TEKT5: variants seen among roughly 807,000 people sequenced by gnomAD.
TEKT5 encodes tektin 5, also known as tektin-5.
Under a neutral mutation model 48.7 loss-of-function variants are expected in TEKT5, and 52 were observed. The observed-to-expected ratio is 1.07, with a 90% CI of 0.86 to 1.35. The LOEUF (loss-of-function observed/expected upper bound fraction) is 1.35. Among genes scored for constraint, TEKT5 ranks in the 40% most tolerant of loss-of-function variants. The pLI, the probability that TEKT5 is intolerant of heterozygous loss-of-function variation, is 0.00. For synonymous variants in TEKT5, 318 were observed against 267.6 expected (o/e 1.19, Z -1.84); for missense variants, 831 against 641.6 (o/e 1.30, Z -3.19).
At chr16:10,688,733 T>C (rs1898910336) in intron 3 of TEKT5, among the ~76,000 whole-genome samples, 2 of 152,206 alleles carry the variant, frequency 1.3e-5, no homozygotes, top group African/African-American at 4.8e-5. Flanking sequence ...GTCGGGATAC[T>C]GGTTACATAA....
intron 5 of TEKT5, among the ~76,000 whole-genome samples, chr16:10,662,250 T>C (rs1329594639): frequency 6.6e-6 from 1 of 152,206 alleles, no homozygotes; most frequent in Admixed American, 6.5e-5. Context: ...CATTGCCAAA[T>C]GCCCCTGGGG....
chr16:10,654,308 C>T (rs1420789129), intron 5 of TEKT5, among the ~76,000 whole-genome samples: 2 of 152,132 alleles, frequency 1.3e-5, no homozygotes, highest in Non-Finnish European at 2.9e-5. Flanking sequence ...ACCTCAGCCT[C>T]CCAAAGTGCT....
chr16:10,672,858 GTT>G (rs907219244), intron 5 of TEKT5, among the ~76,000 whole-genome samples: 1 of 139,378 alleles, frequency 7.2e-6, no homozygotes. Flanking sequence ...GTTTTTTTTT[GTT>G]TTTTTTTTTT....
At chr16:10,673,225 G>A (rs555421947) in intron 5 of TEKT5, among the ~76,000 whole-genome samples, 68 of 152,290 alleles carry the variant, frequency 4.5e-4, no homozygotes, top group Non-Finnish European at 6.8e-4. Context: ...TGGAGGAAGC[G>A]ACTTTTGAGC....
chr16:10,661,671 T>C (rs189037586), intron 5 of TEKT5, among the ~76,000 whole-genome samples: 26 of 152,268 alleles, frequency 1.7e-4, no homozygotes, highest in African/African-American at 6.0e-4. Context: ...TGAGAACTTA[T>C]GGAATGTGCG....
intron 4 of TEKT5, among the ~76,000 whole-genome samples, chr16:10,677,875 C>A (rs966642838): frequency 3.3e-5 from 5 of 152,244 alleles, no homozygotes; most frequent in Admixed American, 3.3e-4. Context: ...AGAGGATAGT[C>A]GGCCATGCAG....
In TEKT5 at chr16:10,627,605, G is replaced by A. The variant is rs201676909; in HGVS notation, c.1436C>T (p.Pro479Leu). The A allele has an allele frequency of 1.9e-5, 31 of 1,614,044 alleles. No individual in the cohort carries two copies. The highest frequency in any genetic ancestry group is 1.4e-4 in the South Asian group (13 of 91,086). Residue 479 changes from proline (P) to leucine (L), a missense_variant, in exon 7 of 7, where the codon CCG becomes CTG. Pro to Leu is a moderately conservative substitution (Grantham distance 98). Transcript: ENST00000283025. ...MGMRKTFPCT[P>L]RLVGHT ...TGCTCAGGTGTGGCCCACCAGGCGCGGGGTGCAGGGGAAGGTCTTACGCAT... is the reference window on the plus strand; with the variant it reads ...TGCTCAGGTGTGGCCCACCAGGCGCAGGGTGCAGGGGAAGGTCTTACGCAT...
intron 6 of TEKT5, among the ~76,000 whole-genome samples, chr16:10,630,547 T>C (rs949315811): frequency 6.6e-6 from 1 of 152,164 alleles, no homozygotes; most frequent in African/African-American, 2.4e-5. Flanking sequence ...TAGCTGGACA[T>C]GTTGAAGGCC....
At chr16:10,647,438 C>A (rs1898087310) in intron 5 of TEKT5, among the ~76,000 whole-genome samples, 1 of 150,916 alleles carries the variant, frequency 6.6e-6, no homozygotes, top group South Asian at 2.1e-4. Context: ...CGCCACTGCA[C>A]CCCAGCCTGG....
chr16:10,634,077 C>T (rs1431354092), intron 6 of TEKT5, among the ~76,000 whole-genome samples: 1 of 152,162 alleles, frequency 6.6e-6, no homozygotes, highest in Admixed American at 6.5e-5. Context: ...CAGGGTCCAT[C>T]GCTGGACCAA....
chr16:10,636,736 G>C (rs1261564327), intron 5 of TEKT5, among the ~76,000 whole-genome samples: 1 of 148,918 alleles, frequency 6.7e-6, no homozygotes, highest in African/African-American at 2.5e-5. Context: ...TATTCAAACA[G>C]ACTCAGAGTT....
At position 10,694,338 on chromosome 16, in the gene TEKT5, G is replaced by A. The variant is rs370491307; in HGVS notation, c.536C>T (p.Ala179Val). The A allele has an allele frequency of 5.1e-5, 82 of 1,607,606 alleles. No individual in the cohort carries two copies. The highest frequency in any genetic ancestry group is 1.7e-4 in the Middle Eastern group (1 of 6,044). Residue 179 changes from alanine to valine, a missense_variant, in exon 1 of 7, where the codon GCG becomes GTG. Ala to Val is a moderately conservative substitution (Grantham distance 64, BLOSUM62 0). Coordinates refer to ENST00000283025, the MANE Select transcript of TEKT5 (RefSeq NM_144674.2). ...CAATGGGCAGTTCACCTCATTGGCC[G>A]CGCACTCCAGCCGCCTCTTGACCGT... is the stretch of plus-strand genomic sequence containing the variant. ...LETVKRRLEC[A>V]ANEVNCPLQV...
chr16:10,693,569 A>C (rs1899019265), intron 1 of TEKT5, among the ~76,000 whole-genome samples: 1 of 152,242 alleles, frequency 6.6e-6, no homozygotes. Flanking sequence ...ACTGAATAGC[A>C]GTCTTGAATA....
intron 5 of TEKT5, among the ~76,000 whole-genome samples, chr16:10,636,457 G>C (rs1194817293): frequency 6.6e-6 from 1 of 151,976 alleles, no homozygotes; most frequent in South Asian, 2.1e-4. Context: ...CATGGAAGAC[G>C]GGCCAGTATC....
chr16:10,632,064 G>A lies in TEKT5; in HGVS notation c.1241+3700C>T, dbSNP rs566727239. Among the ~76,000 whole-genome samples, 6 of 152,294 alleles carry A rather than the reference G, an allele frequency of 3.9e-5. No homozygotes were observed. In the South Asian group the frequency reaches 1.0e-3, roughly 26 times the overall value. ...CTCAGGACCAGAGGACATGAAGCTG[G>A]GTGAACTTCCCCATGGGAAGCCTGG... is the stretch of plus-strand genomic sequence containing the variant. On this transcript the variant is annotated intron_variant, in intron 6 of 6. Transcript: ENST00000283025.
At chr16:10,643,062 C>T (rs145952790) in intron 5 of TEKT5, among the ~76,000 whole-genome samples, 1,589 of 152,252 alleles carry the variant, frequency 0.01, 19 homozygotes, top group South Asian at 0.042. Context: ...TCAAAACATA[C>T]GCACAATTAC....
At chr16:10,658,805 C>T (rs140788604) in intron 5 of TEKT5, among the ~76,000 whole-genome samples, 2 of 151,984 alleles carry the variant, frequency 1.3e-5, no homozygotes, top group Non-Finnish European at 2.9e-5. Context: ...GCAACCTCTG[C>T]CTCCTGGGTT....
At position 10,681,554 on chromosome 16, in the gene TEKT5, C is replaced by A. The variant is rs566720387; in HGVS notation, c.863+439G>T. Among the ~76,000 whole-genome samples, 239 of 152,182 alleles carry A rather than the reference C, an allele frequency of 1.6e-3. 1 individual carries two copies. The highest frequency in any genetic ancestry group is 5.5e-3 in the African/African-American group (230 of 41,508). ...GTTAAACCACCCCGCCACCAGCCGA[C>A]CCCAGTTGGTCTCCCTGCCGAGGTT... On this transcript the variant is annotated intron_variant, in intron 4 of 6. Transcript: ENST00000283025.
intron 5 of TEKT5, among the ~76,000 whole-genome samples, chr16:10,663,220 C>T (rs1399869206): frequency 6.6e-6 from 1 of 152,202 alleles, no homozygotes; most frequent in Admixed American, 6.5e-5. Context: ...ATCCACCCAA[C>T]AGCTCTGAAA....
Sources: gnomAD v4.1 joint callset for allele counts (sites outside exome capture counted in the v4.1 genomes callset) on GRCh38, gnomAD v4.1.1 for gene constraint, MANE v1.5 for transcripts, NCBI Gene and HGNC (gene_info 2026-07-23, HGNC 2026-07-21) for gene names.